Variants in BCAR3 observed in about 807,000 individuals in gnomAD.
The protein encoded by BCAR3 is BCAR3 adaptor protein, NSP family member.
In BCAR3, 37 loss-of-function variants were observed where a neutral mutation model predicts 80.1. The ratio of observed to expected loss-of-function variants is 0.46; its 90% CI spans 0.36 to 0.61. The LOEUF is 0.61. Among genes scored for constraint, BCAR3 ranks in the 20% least tolerant of loss-of-function variants. The probability of loss-of-function intolerance (pLI) is 0.00; values close to 1 mark genes in which losing one functional copy is unlikely to be tolerated. For synonymous variants in BCAR3, 389 were observed against 418.9 expected (o/e 0.93, Z 0.87); for missense variants, 978 against 1,068.2 (o/e 0.92, Z 1.18).
chr1:93,722,962 A>G (rs1344115544), intron 2 of BCAR3, among the ~76,000 whole-genome samples: 1 of 152,170 alleles, frequency 6.6e-6, no homozygotes, highest in Admixed American at 6.5e-5. Context: ...AGATGATGTC[A>G]GTAAAGGTCA....
chr1:93,567,412 C>G lies in BCAR3; in HGVS notation c.2166G>C (p.Val722=), dbSNP rs34294233. 9.6e-4 allele frequency: 1,543 copies of G among 1,613,570 alleles called. 17 individuals are homozygous for G. The African/African-American group carries it at 0.016, about 17-fold the overall frequency. The change falls in exon 11 of 12, where the codon GTG becomes GTC. Residue 722 remains valine, a synonymous_variant. Transcript: ENST00000260502. ...CCCACATGTCGGTTCCTTCAAAAGT[C>G]ACAGCCTGGCGCTCCATTAACGTCA... ...PLVTLMERQA[V]TFEGTDMWEK...
chr1:93,646,922 T>C (rs887803794), intron 2 of BCAR3, among the ~76,000 whole-genome samples: 2 of 152,190 alleles, frequency 1.3e-5, no homozygotes, highest in African/African-American at 4.8e-5. Context: ...AGGTAAACTA[T>C]TACATTAATC....
chr1:93,744,652 C>T (rs1289663093), intron 2 of BCAR3, among the ~76,000 whole-genome samples: 2 of 152,152 alleles, frequency 1.3e-5, no homozygotes, highest in African/African-American at 4.8e-5. Flanking sequence ...TTTGTCTTTC[C>T]CACTGTACTG....
intron 3 of BCAR3, among the ~76,000 whole-genome samples, chr1:93,703,955 CTAAATGAATTAAAA>C (rs1649739049): frequency 6.6e-6 from 1 of 152,206 alleles, no homozygotes; most frequent in South Asian, 2.1e-4. Flanking sequence ...ACATTTAAGT[CTAAATGAATTAAAA>C]TTAAGTGAAA....
chr1:93,753,320 A>T (rs1038439274), intron 2 of BCAR3: 2 of 152,246 alleles, frequency 1.3e-5, no homozygotes, highest in Non-Finnish European at 2.9e-5. Context: ...AGATGCAGCT[A>T]CACTTTCAAC....
chr1:93,620,066 A>G (rs1675261864), intron 3 of BCAR3, among the ~76,000 whole-genome samples: 1 of 152,190 alleles, frequency 6.6e-6, no homozygotes, highest in Non-Finnish European at 1.5e-5. Flanking sequence ...CTTCGAAAGA[A>G]GGGACAACAA....
intron 2 of BCAR3, among the ~76,000 whole-genome samples, chr1:93,843,720 C>T (rs1655044986): frequency 6.6e-6 from 1 of 152,202 alleles, no homozygotes; most frequent in Non-Finnish European, 1.5e-5. Context: ...TGCCCAGTCA[C>T]ATTATGCCAC....
chr1:93,619,499 G>C (rs1385201741), intron 3 of BCAR3, among the ~76,000 whole-genome samples: 5 of 152,146 alleles, frequency 3.3e-5, no homozygotes, highest in Non-Finnish European at 5.9e-5. Context: ...ATTACACCTG[G>C]AGCAATCACT....
chr1:93,585,296 A>G, intron 5 of BCAR3: 1 of 760,538 alleles, frequency 1.3e-6, no homozygotes, highest in Non-Finnish European at 1.6e-6. Flanking sequence ...GGGGCAGGGC[A>G]GCAGGCCATG....
chr1:93,597,307 C>T (rs912728326), intron 3 of BCAR3, among the ~76,000 whole-genome samples: 1 of 152,154 alleles, frequency 6.6e-6, no homozygotes, highest in Non-Finnish European at 1.5e-5. Context: ...GTGGATGAGG[C>T]CCCCTCTTGT....
chr1:93,786,959 C>T (rs1652971240), intron 2 of BCAR3, among the ~76,000 whole-genome samples: 1 of 152,198 alleles, frequency 6.6e-6, no homozygotes, highest in African/African-American at 2.4e-5. Context: ...CAGCTAACTG[C>T]CTTAGAATGG....
chr1:93,744,132 C>T lies in BCAR3; in HGVS notation c.-62-37990G>A, dbSNP rs1485573197. Among the ~76,000 whole-genome samples, 7 of 152,170 alleles carry T rather than the reference C, an allele frequency of 4.6e-5. No homozygotes were observed. In the South Asian group the frequency reaches 1.2e-3, roughly 27 times the overall value. ...CAATCTCCCCTCACCCTAGCAATGG[C>T]CCTGTTAGGTAAGCATTATTATCCT... is the stretch of plus-strand genomic sequence containing the variant. On this transcript the variant is annotated intron_variant, in intron 2 of 13. Coordinates refer to the BCAR3 transcript ENST00000370244.
chr1:93,595,988 G>A (rs953200544), intron 3 of BCAR3, among the ~76,000 whole-genome samples: 3 of 152,148 alleles, frequency 2.0e-5, no homozygotes, highest in African/African-American at 7.2e-5. Flanking sequence ...TCTATTCATG[G>A]CATAGGCTAG....
intron 3 of BCAR3, among the ~76,000 whole-genome samples, chr1:93,689,273 G>A (rs1323363703): frequency 6.6e-6 from 1 of 152,072 alleles, no homozygotes; most frequent in African/African-American, 2.4e-5. Context: ...GATCACCTGA[G>A]GTCAGAGGTT....
intron 9 of BCAR3, among the ~76,000 whole-genome samples, chr1:93,570,763 C>T (rs1482052680): frequency 6.6e-6 from 1 of 152,264 alleles, no homozygotes; most frequent in African/African-American, 2.4e-5. Context: ...CAGATGGAGG[C>T]AGTCTCCTTC....
intron 2 of BCAR3, among the ~76,000 whole-genome samples, chr1:93,767,247 G>A (rs987450743): frequency 2.0e-5 from 3 of 152,162 alleles, no homozygotes; most frequent in Non-Finnish European, 4.4e-5. Flanking sequence ...TTTTGGCTGG[G>A]TAGGGTGGCT....
chr1:93,809,668 T>C (rs1456575974), intron 2 of BCAR3, among the ~76,000 whole-genome samples: 1 of 150,792 alleles, frequency 6.6e-6, no homozygotes, highest in Non-Finnish European at 1.5e-5. Flanking sequence ...CTCGGGAGGC[T>C]GAGGCAGGAG....
chr1:93,641,669 TA>T (rs1286301815), intron 3 of BCAR3, among the ~76,000 whole-genome samples: 3 of 152,220 alleles, frequency 2.0e-5, no homozygotes, highest in Non-Finnish European at 4.4e-5. Context: ...GGCTGGAAAG[TA>T]ACTAAGTACC....
At chr1:93,651,754 G>T (rs1676332362) in intron 2 of BCAR3, among the ~76,000 whole-genome samples, 1 of 152,078 alleles carries the variant, frequency 6.6e-6, no homozygotes, top group Non-Finnish European at 1.5e-5. Context: ...CAGAGAAGTT[G>T]CCAGGTAACT....
Sources: allele counts gnomAD v4.1 joint callset (sites outside exome capture counted in the v4.1 genomes callset), GRCh38; gene constraint gnomAD v4.1.1; transcripts MANE v1.5; gene names NCBI Gene and HGNC (gene_info 2026-07-23, HGNC 2026-07-21).